The following HUNK variants were observed in gnomAD, a reference collection of about 807,000 sequenced individuals.
The protein encoded by HUNK is hormonally up-regulated Neu-associated kinase.
A neutral mutation model predicts 61.0 loss-of-function variants in HUNK; 21 were observed. That is an observed-to-expected ratio of 0.34 (90% CI 0.24 to 0.50). The LOEUF (loss-of-function observed/expected upper bound fraction) is 0.50. Ranked by LOEUF, HUNK falls within the 20% of genes least tolerant of loss-of-function variation. The pLI, the probability that HUNK is intolerant of heterozygous loss-of-function variation, is 0.98. For missense variants in HUNK, 772 were observed against 945.7 expected, an observed-to-expected ratio of 0.82 and a Z score of 2.41; for synonymous variants, 371 against 386.1, an observed-to-expected ratio of 0.96 and a Z score of 0.46.
intron 5 of HUNK, among the ~76,000 whole-genome samples, chr21:31,965,584 CTTTG>C (rs1187412262): frequency 7.4e-6 from 1 of 135,420 alleles, no homozygotes; most frequent in Non-Finnish European, 1.6e-5. Context: ...CCTCACTGTT[CTTTG>C]TTTTTCTTTT....
intron 1 of HUNK, among the ~76,000 whole-genome samples, chr21:31,875,775 C>T (rs1247779913): frequency 2.0e-5 from 3 of 152,206 alleles, no homozygotes; most frequent in Admixed American, 6.5e-5. Context: ...CGGAAAGAAG[C>T]GAGTCTTTAT....
At chr21:31,979,868 T>C (rs1322027082) in intron 7 of HUNK, among the ~76,000 whole-genome samples, 3 of 152,174 alleles carry the variant, frequency 2.0e-5, no homozygotes, top group Non-Finnish European at 4.4e-5. Flanking sequence ...TTTTATCCCA[T>C]TCCATAGATC....
chr21:31,901,151 T>A (rs2052464432), intron 1 of HUNK, among the ~76,000 whole-genome samples: 1 of 152,220 alleles, frequency 6.6e-6, no homozygotes, highest in South Asian at 2.1e-4. Context: ...ATGACCTGAT[T>A]TCCAAACAAG....
At chr21:31,901,095 A>G (rs2052463828) in intron 1 of HUNK, among the ~76,000 whole-genome samples, 2 of 152,118 alleles carry the variant, frequency 1.3e-5, no homozygotes, top group Non-Finnish European at 2.9e-5. Context: ...GTCATATTGG[A>G]TTAGGGTACA....
Position 31,917,318 on chromosome 21 carries a change from G to A in HUNK, c.262-7150G>A, listed in dbSNP as rs374514166. Among the ~76,000 whole-genome samples the A allele has an allele frequency of 9.9e-5, 15 of 152,024 alleles. No individual in the cohort carries two copies. The South Asian group carries it at 2.3e-3, about 23-fold the overall frequency. ...AGCGATCCTCTCACCTCAGCCTCCC[G>A]AGCAGCTGGGACTACTGGCACGAGC... On this transcript the variant is annotated intron_variant, in intron 1 of 10. Transcript: ENST00000270112.
intron 1 of HUNK, among the ~76,000 whole-genome samples, chr21:31,896,292 C>T (rs574857063): frequency 4.7e-4 from 72 of 152,302 alleles, no homozygotes; most frequent in African/African-American, 1.6e-3. Flanking sequence ...AAGCTAAGGT[C>T]GGCTTCAGGA....
At chr21:31,955,547 C>T (rs763773872) in intron 4 of HUNK, among the ~76,000 whole-genome samples, 10 of 152,000 alleles carry the variant, frequency 6.6e-5, no homozygotes, top group African/African-American at 1.4e-4. Flanking sequence ...GCCGAGATCG[C>T]GCCACTCTAC....
At chr21:31,975,450 A>G (rs527449231) in intron 7 of HUNK, among the ~76,000 whole-genome samples, 43 of 152,356 alleles carry the variant, frequency 2.8e-4, no homozygotes, top group Non-Finnish European at 5.9e-4. Context: ...TGGAGTCTGC[A>G]TACAGCAGCT....
intron 5 of HUNK, among the ~76,000 whole-genome samples, chr21:31,959,193 C>A (rs1438047305): frequency 1.3e-5 from 2 of 152,144 alleles, no homozygotes; most frequent in Non-Finnish European, 1.5e-5. Context: ...TCTGTTCTAT[C>A]TGAACCCCTA....
intron 6 of HUNK, among the ~76,000 whole-genome samples, chr21:31,971,031 T>TG (rs2123850954): frequency 6.6e-6 from 1 of 152,036 alleles, no homozygotes; most frequent in African/African-American, 2.4e-5. Context: ...AATCAGTGTT[T>TG]GGTTTTTAAG....
At chr21:31,965,013 A>G (rs1754537170) in intron 5 of HUNK, among the ~76,000 whole-genome samples, 1 of 152,172 alleles carries the variant, frequency 6.6e-6, no homozygotes, top group African/African-American at 2.4e-5. Flanking sequence ...CAATTCATTA[A>G]GCCCTCATCT....
At position 31,873,804 on chromosome 21, in the gene HUNK, G is replaced by C; in HGVS notation, c.130G>C (p.Val44Leu). The part of the protein sequence containing the change: ...GSFLPAWVSG[V>L]PRERLRDFQH... ...TTTCCTGCCTGCCTGGGTGAGCGGC[G>C]TGCCCCGCGAGCGGCTCCGCGACTT... Residue 44 changes from valine (V) to leucine (L), a missense_variant, in exon 1 of 11, where the codon GTG becomes CTG. Around this residue, in one of 2 missense-constraint regions of HUNK, gnomAD observed 359 missense variants for 501.3 expected, o/e 0.72. Transcript: ENST00000270112. The surrounding 1 kb of genome is among the most constrained non-coding windows in gnomAD (Gnocchi z 6.1). 1 of 1,565,962 alleles carries C rather than the reference G, an allele frequency of 6.4e-7. No homozygotes were observed. The highest frequency in any genetic ancestry group is 2.5e-5 in the East Asian group (1 of 39,794).
At chr21:31,956,624 T>C (rs1267917112) in intron 4 of HUNK, among the ~76,000 whole-genome samples, 1 of 152,204 alleles carries the variant, frequency 6.6e-6, no homozygotes, top group Non-Finnish European at 1.5e-5. Flanking sequence ...ACCATTCTGT[T>C]ACCACCATTG....
Position 31,968,350 on chromosome 21 carries a change from G to T in HUNK, c.975G>T (p.Thr325=). 3 of 1,614,192 alleles carry T rather than the reference G, an allele frequency of 1.9e-6. No individual in the cohort carries two copies. Among genetic ancestry groups the T allele is most frequent in the Non-Finnish European group, 2.5e-6 (3 of 1,180,032 alleles). Residue 325 remains threonine, a synonymous_variant, in exon 6 of 11, where the codon ACG becomes ACT. Coordinates refer to ENST00000270112, the MANE Select transcript of HUNK (RefSeq NM_014586.2). ...LANRWLNENY[T]GKVPCNVTYP... ...ATCGCTGGCTTAATGAGAATTACAC[G>T]GGCAAAGTGCCCTGTAATGTCACCT...
chr21:31,990,833 G>C (rs1305643184), intron 9 of HUNK, among the ~76,000 whole-genome samples: 1 of 152,088 alleles, frequency 6.6e-6, no homozygotes, highest in Non-Finnish European at 1.5e-5. Flanking sequence ...ACTGTGCCTG[G>C]CCTGTTAATC....
chr21:31,935,328 C>T (rs902561828), intron 2 of HUNK, among the ~76,000 whole-genome samples: 1 of 152,186 alleles, frequency 6.6e-6, no homozygotes, highest in Non-Finnish European at 1.5e-5. Context: ...ATACCTTCCC[C>T]CTACTCACAT....
chr21:31,970,752 G>A (rs972120123), intron 6 of HUNK, among the ~76,000 whole-genome samples: 1 of 152,124 alleles, frequency 6.6e-6, no homozygotes, highest in African/African-American at 2.4e-5. Context: ...AAAGAATTAC[G>A]AGGCGACATC....
intron 2 of HUNK, among the ~76,000 whole-genome samples, chr21:31,931,811 C>G (rs2052698491): frequency 6.6e-6 from 1 of 152,170 alleles, no homozygotes; most frequent in Non-Finnish European, 1.5e-5. Context: ...GCCCCTCAGC[C>G]TAGACCTCCT....
Position 31,892,238 on chromosome 21 carries a change from C to T in HUNK, c.261+18303C>T, listed in dbSNP as rs192417741. 2.6e-3 allele frequency among the ~76,000 whole-genome samples: 350 copies of T among 135,498 alleles called. 4 individuals are homozygous for T. The South Asian group carries it at 0.041, about 16-fold the overall frequency. 88.9% of individuals were successfully genotyped at this position (135,498 alleles called of 152,430 possible). On this transcript the variant is annotated intron_variant, in intron 1 of 10. Coordinates refer to ENST00000270112, the MANE Select transcript of HUNK (RefSeq NM_014586.2). ...TGTGTGTGTGTGTGTGTGTACAGCA[C>T]GTAGCCTGAAAATACAGTCATTATT...
Sources: allele counts gnomAD v4.1 joint callset (sites outside exome capture counted in the v4.1 genomes callset), GRCh38; gene constraint gnomAD v4.1.1; regional missense constraint gnomAD v4.1.1; non-coding constraint Gnocchi (gnomAD v3.1); transcripts MANE v1.5; gene names NCBI Gene and HGNC (gene_info 2026-07-23, HGNC 2026-07-21).